The following SPATC1 variants were observed in gnomAD, a reference collection of about 807,000 sequenced individuals.
SPATC1 encodes the protein spermatogenesis and centriole associated 1.
SPATC1 carries 35 observed loss-of-function variants against 36.5 expected under a neutral mutation model. The observed-to-expected ratio is 0.96, with a 90% CI of 0.73 to 1.27. SPATC1 has a LOEUF of 1.27. Ranked by LOEUF, SPATC1 falls within the 50% of genes most tolerant of loss-of-function variation. SPATC1 has a pLI of 0.00. For missense variants in SPATC1, 779 were observed against 796.0 expected (o/e 0.98, Z 0.26); for synonymous variants, 361 against 353.6 (o/e 1.02, Z -0.24).
In SPATC1 at chr8:144,038,053, G is replaced by A. The variant is rs1412672518; in HGVS notation, c.212-1856G>A. Among the ~76,000 whole-genome samples the A allele has an allele frequency of 2.7e-4, 40 of 146,994 alleles. 1 individual carries two copies. Among genetic ancestry groups the A allele is most frequent in the African/African-American group, 9.5e-4 (35 of 36,964 alleles). Reference sequence around the variant, plus strand: ...GAGGCAGGAGAATGGCGTGAACCCCGGGGGGCGGAGCCTTCAGTGAGCCGA... The same window carrying A: ...GAGGCAGGAGAATGGCGTGAACCCCAGGGGGCGGAGCCTTCAGTGAGCCGA... On this transcript the variant is annotated intron_variant, in intron 1 of 4. Transcript: ENST00000377470.
In SPATC1 at chr8:144,040,870, A is replaced by G. The variant is rs1288803852; in HGVS notation, c.1069A>G (p.Ile357Val). 6.5e-6 allele frequency: 9 copies of G among 1,382,710 alleles called. No individual in the cohort carries two copies. Among genetic ancestry groups the G allele is most frequent in the African/African-American group, 4.9e-5 (3 of 61,482 alleles). 85.7% of individuals were successfully genotyped at this position (1,382,710 alleles called of 1,614,324 possible). The change falls in exon 3 of 5, where the codon ATC (isoleucine) becomes GTC (valine). Residue 357 changes from isoleucine to valine, a missense_variant. By Grantham distance (29) the Ile-to-Val change is conservative. Transcript: ENST00000377470. The stretch of plus-strand genomic sequence containing the variant: ...CTACACACCCTCAAGCACCACCCAC[A>G]TCGCCCAGGGTGCCCCCCATCCCCC... ...TSYTPSSTTH[I>V]AQGAPHPPSR...
intron 1 of SPATC1, among the ~76,000 whole-genome samples, chr8:144,038,338 C>T (rs1395054285): frequency 7.0e-6 from 1 of 143,254 alleles, no homozygotes; most frequent in Non-Finnish European, 1.5e-5. Context: ...GAGGCTGGAG[C>T]AGGAGAATCG....
chr8:144,032,896 A>G (rs918567072), intron 1 of SPATC1, among the ~76,000 whole-genome samples: 2 of 152,146 alleles, frequency 1.3e-5, no homozygotes, highest in East Asian at 1.9e-4. Context: ...AGGGATTTCC[A>G]TGAGCACACA....
At position 144,039,932 on chromosome 8, in the gene SPATC1, G is replaced by C; in HGVS notation, c.235G>C (p.Ala79Pro). ...AGGTGTCTTCCTGCCCCCGTCCCCAGCAGTGGCAAACGAACGAGTCCTCGA... is the reference window on the plus strand; with the variant it reads ...AGGTGTCTTCCTGCCCCCGTCCCCACCAGTGGCAAACGAACGAGTCCTCGA... ...NNGVFLPPSP[A>P]VANERVLEEV... is the part of the protein sequence containing the mutation. Residue 79 changes from alanine (A) to proline (P), a missense_variant, in exon 2 of 5, where the codon GCA (alanine) becomes CCA (proline). Coordinates refer to ENST00000377470, the MANE Select transcript of SPATC1 (RefSeq NM_198572.3). 6.2e-7 allele frequency: 1 copy of C among 1,613,900 alleles called. No individual in the cohort carries two copies. The highest frequency in any genetic ancestry group is 8.5e-7 in the Non-Finnish European group (1 of 1,179,952).
intron 1 of SPATC1, among the ~76,000 whole-genome samples, chr8:144,036,322 TAGA>T (rs1834897107): frequency 6.6e-6 from 1 of 152,118 alleles, no homozygotes; most frequent in South Asian, 2.1e-4. Flanking sequence ...AAGCGGAACT[TAGA>T]AGGTTTTGGG....
chr8:144,041,933 G>T (rs368541860), intron 4 of SPATC1: 1 of 985,352 alleles, frequency 1.0e-6, no homozygotes, highest in Non-Finnish European at 1.2e-6. Context: ...TCTGGTTAAA[G>T]CATCCTTGGG....
intron 1 of SPATC1, among the ~76,000 whole-genome samples, chr8:144,019,142 G>T (rs1834453245): frequency 6.6e-6 from 1 of 151,882 alleles, no homozygotes; most frequent in African/African-American, 2.4e-5. Flanking sequence ...AACCATCTTC[G>T]GGATTTGCAA....
chr8:144,013,511 C>T (rs77360154), intron 1 of SPATC1, among the ~76,000 whole-genome samples: 5,318 of 152,210 alleles, frequency 0.035, 341 homozygotes, highest in African/African-American at 0.12. Context: ...AATTCCCTGC[C>T]CCCTACCCAC....
intron 1 of SPATC1, among the ~76,000 whole-genome samples, chr8:144,033,395 G>T (rs1336587102): frequency 3.3e-5 from 5 of 150,332 alleles, no homozygotes; most frequent in Admixed American, 6.6e-5. Context: ...GCGAGACTCC[G>T]TCTCAAAAAA....
At chr8:144,032,773 G>A (rs1834824640) in intron 1 of SPATC1, among the ~76,000 whole-genome samples, 1 of 152,006 alleles carries the variant, frequency 6.6e-6, no homozygotes, top group African/African-American at 2.4e-5. Flanking sequence ...CCTCATGCGA[G>A]CAAGCCACAC....
intron 2 of SPATC1, 32 bp from the exon 3 acceptor site, chr8:144,040,535 CT>C (rs782497142): frequency 5.1e-6 from 8 of 1,562,856 alleles, no homozygotes; most frequent in Middle Eastern, 1.7e-4. Context: ...TCTAATCCCC[CT>C]TTTTTTATTT....
rs1048569080 is a variant in SPATC1 at position 144,024,630 on chromosome 8, T to C, written c.211+11904T>C. Among the ~76,000 whole-genome samples, 27 of 150,656 alleles carry C rather than the reference T, an allele frequency of 1.8e-4. 1 individual carries two copies. The highest frequency in any genetic ancestry group is 6.1e-4 in the African/African-American group (25 of 40,826). On this transcript the variant is annotated intron_variant, in intron 1 of 4. Transcript: ENST00000377470. ...CCTCTCTCCTGAAGAACCTGTCCCC[T>C]CAGGACCTTCCCCTTCATGACCCTC... is the stretch of plus-strand genomic sequence containing the variant.
intron 1 of SPATC1, among the ~76,000 whole-genome samples, chr8:144,018,482 C>T (rs973431844): frequency 0.035 from 5,300 of 151,996 alleles, 337 homozygotes; most frequent in African/African-American, 0.12. Flanking sequence ...AGTTTGTTTA[C>T]ATGTGGAAAG....
chr8:144,038,515 G>C (rs1374130313), intron 1 of SPATC1, among the ~76,000 whole-genome samples: 2 of 151,468 alleles, frequency 1.3e-5, no homozygotes, highest in Non-Finnish European at 2.9e-5. Context: ...CCAGGCTGGA[G>C]TGCAGTGGCA....
intron 1 of SPATC1, among the ~76,000 whole-genome samples, chr8:144,024,808 C>T (rs1834640582): frequency 7.3e-6 from 1 of 136,370 alleles, no homozygotes; most frequent in African/African-American, 2.7e-5. Context: ...CACCCTCTTC[C>T]CTGAGGACCC....
intron 4 of SPATC1, chr8:144,041,898 CG>C (rs1835112548): frequency 1.0e-6 from 1 of 966,008 alleles, no homozygotes; most frequent in Middle Eastern, 5.3e-4. Context: ...CTGTGAGCTG[CG>C]TGGGTCCAGG....
Position 144,040,145 on chromosome 8 carries a change from A to G in SPATC1, c.448A>G (p.Thr150Ala). 6.2e-7 allele frequency: 1 copy of G among 1,609,452 alleles called. No homozygotes were observed. Among genetic ancestry groups the G allele is most frequent in the Non-Finnish European group, 8.5e-7 (1 of 1,178,972 alleles). ...FLTSPIAGPLTGTLASSLGLP... is the reference protein window; with the variant it reads ...FLTSPIAGPLAGTLASSLGLP... ...GACCAGTCCCATTGCGGGACCCCTAACAGGCACACTGGCCAGTTCCCTGGG... is the reference window on the plus strand; with the variant it reads ...GACCAGTCCCATTGCGGGACCCCTAGCAGGCACACTGGCCAGTTCCCTGGG... The change falls in exon 2 of 5, where the codon ACA (threonine) becomes GCA (alanine). Residue 150 changes from threonine (T) to alanine (A), a missense_variant. Coordinates refer to ENST00000377470, the MANE Select transcript of SPATC1 (RefSeq NM_198572.3).
At chr8:144,037,797 G>T (rs1156809793) in intron 1 of SPATC1, among the ~76,000 whole-genome samples, 4 of 147,046 alleles carry the variant, frequency 2.7e-5, no homozygotes, top group Admixed American at 6.9e-5. Flanking sequence ...ACCCAAGAAT[G>T]ATCAATAAAA....
chr8:144,027,167 T>A (rs903344940), intron 1 of SPATC1, among the ~76,000 whole-genome samples: 1 of 151,902 alleles, frequency 6.6e-6, no homozygotes, highest in Admixed American at 6.6e-5. Flanking sequence ...AGAGACAAGG[T>A]CTCACTATGT....
Sources: allele counts gnomAD v4.1 joint callset (sites outside exome capture counted in the v4.1 genomes callset), GRCh38; gene constraint gnomAD v4.1.1; transcripts MANE v1.5; gene names NCBI Gene and HGNC (gene_info 2026-07-23, HGNC 2026-07-21).